LPO: variants seen among roughly 807,000 people sequenced by gnomAD.
LPO encodes salivary peroxidase.
LPO carries 70 observed loss-of-function variants against 68.4 expected under a neutral mutation model. The ratio of observed to expected loss-of-function variants is 1.02; its 90% CI spans 0.84 to 1.25. LPO has a LOEUF of 1.25. Among genes scored for constraint, LPO ranks in the 50% most tolerant of loss-of-function variants. The pLI is 0.00. For missense variants in LPO, 873 were observed against 908.4 expected (o/e 0.96, Z 0.50); for synonymous variants, 360 against 357.6 (o/e 1.01, Z -0.08).
chr17:58,244,118 C>CAG (rs1320489159), intron 3 of LPO, 37 bp downstream of exon 3: 1 of 1,374,364 alleles, frequency 7.3e-7, no homozygotes, highest in Non-Finnish European at 1.0e-6. Flanking sequence ...CACACACACA[C>CAG]ACACACACAC....
At position 58,254,738 on chromosome 17, in the gene LPO, C is replaced by G. The variant is rs1598027332; in HGVS notation, c.1106-73C>G. The G allele has an allele frequency of 7.3e-6, 11 of 1,516,532 alleles. No homozygotes were observed. In the East Asian group the frequency reaches 2.5e-4, roughly 34 times the overall value. 93.9% of individuals were successfully genotyped at this position (1,516,532 alleles called of 1,614,324 possible). A position where few individuals can be genotyped will look rare whatever the true frequency, so the allele number is the denominator to read the frequency against. ...GGGGCGCGGTCCTGTGGGGCACCAT[C>G]ATTTCTTTGTGCAGGTTACTGGGTC... On this transcript the variant is annotated intron_variant, in intron 8 of 12. Coordinates refer to ENST00000262290, the MANE Select transcript of LPO (RefSeq NM_006151.3).
intron 9 of LPO, among the ~76,000 whole-genome samples, chr17:58,261,983 G>A (rs1286052724): frequency 1.3e-5 from 2 of 152,116 alleles, no homozygotes; most frequent in Non-Finnish European, 2.9e-5. Flanking sequence ...ATTGTCTGAA[G>A]CATTTCTTCT....
At chr17:58,255,446 T>C (rs1970053297) in intron 9 of LPO, among the ~76,000 whole-genome samples, 1 of 152,238 alleles carries the variant, frequency 6.6e-6, no homozygotes, top group African/African-American at 2.4e-5. Flanking sequence ...TGCACATATT[T>C]TTTAAACATT....
In LPO at chr17:58,254,860, C is replaced by G. The variant is rs1312443014; in HGVS notation, c.1155C>G (p.Leu385=). 6.2e-7 allele frequency: 1 copy of G among 1,614,086 alleles called. No homozygotes were observed. Among genetic ancestry groups the G allele is most frequent in the African/African-American group, 1.3e-5 (1 of 74,918 alleles). ...TTCTGCTGGCCACATCCCACACCCTCTTTCTCCGCGAGCATAACCGGCTGG... is the reference window on the plus strand; with the variant it reads ...TTCTGCTGGCCACATCCCACACCCTGTTTCTCCGCGAGCATAACCGGCTGG... ...EHILLATSHT[L]FLREHNRLAR... is the part of the protein sequence containing the mutation. The change falls in exon 9 of 13, where the codon CTC becomes CTG. Residue 385 remains leucine (L), a synonymous_variant. Coordinates refer to ENST00000262290, the MANE Select transcript of LPO (RefSeq NM_006151.3).
At chr17:58,250,643 T>G (rs1230840510) in intron 7 of LPO, 22 bp downstream of exon 7, 1 of 1,607,736 alleles carries the variant, frequency 6.2e-7, no homozygotes, top group Non-Finnish European at 8.5e-7. Context: ...CAGCTAGGCA[T>G]CTCTGACTAG....
chr17:58,261,428 C>A (rs183328230), intron 9 of LPO, among the ~76,000 whole-genome samples: 9 of 152,128 alleles, frequency 5.9e-5, no homozygotes, highest in African/African-American at 1.9e-4. Flanking sequence ...AATATAGTCA[C>A]CCCTGCTTTT....
intron 10 of LPO, 51 bp from the exon 11 acceptor site, chr17:58,266,102 G>T: frequency 6.4e-7 from 1 of 1,567,328 alleles, no homozygotes; most frequent in South Asian, 1.2e-5. Context: ...CATGAATGAT[G>T]TTCCCACTCT....
chr17:58,241,040 C>A (rs1226147783), intron 1 of LPO, among the ~76,000 whole-genome samples: 2 of 151,586 alleles, frequency 1.3e-5, no homozygotes, highest in African/African-American at 4.8e-5. Flanking sequence ...CCTAACATTA[C>A]AGTACTGTAG....
chr17:58,254,730 G>A (rs1970036971), intron 8 of LPO, 81 bp from the exon 9 acceptor site: 2 of 1,468,194 alleles, frequency 1.4e-6, no homozygotes, highest in East Asian at 2.3e-5. Flanking sequence ...GGTCCTGTGG[G>A]GCACCATCAT....
chr17:58,263,237 G>A (rs547606841), intron 9 of LPO, among the ~76,000 whole-genome samples: 226 of 152,272 alleles, frequency 1.5e-3, no homozygotes, highest in African/African-American at 5.0e-3. Flanking sequence ...AGGAGAATCT[G>A]TAATTGATTA....
chr17:58,266,669 C>T (rs1314237190), intron 11 of LPO, among the ~76,000 whole-genome samples: 1 of 151,952 alleles, frequency 6.6e-6, no homozygotes, highest in Non-Finnish European at 1.5e-5. Context: ...GTTGCCCAGG[C>T]TGGTCTCGAA....
At chr17:58,266,469 T>C in intron 11 of LPO, 143 bp downstream of exon 11, 1 of 751,414 alleles carries the variant, frequency 1.3e-6, no homozygotes, top group East Asian at 3.3e-5. Flanking sequence ...TTGTTTGAGG[T>C]TTTTTTTTTG....
chr17:58,245,806 C>T (rs935625381), intron 3 of LPO, among the ~76,000 whole-genome samples: 1 of 152,204 alleles, frequency 6.6e-6, no homozygotes, highest in Admixed American at 6.5e-5. Flanking sequence ...TCTCGCTCCT[C>T]AAATTCAATC....
chr17:58,252,548 A>G, intron 8 of LPO, 42 bp downstream of exon 8: 1 of 1,571,964 alleles, frequency 6.4e-7, no homozygotes, highest in Non-Finnish European at 8.7e-7. Context: ...GGACAAGGGG[A>G]TTATCCAGGG....
intron 1 of LPO, among the ~76,000 whole-genome samples, chr17:58,242,708 G>A (rs181660973): frequency 6.6e-6 from 1 of 152,298 alleles, no homozygotes; most frequent in Admixed American, 6.5e-5. Context: ...CAGAGCTATT[G>A]GAGCAAATGC....
rs1567824640 is a variant in LPO, at chr17:58,267,468, GACA to G, written c.1817_1819del (p.Asn606del). ...GTTACTGGGTCTCTACGGGACCCCT[GACA>G]ACATCGACATCTGGATAGGGGCCAT... On this transcript the variant is annotated inframe_deletion, in exon 12 of 13. Coordinates refer to ENST00000262290, the MANE Select transcript of LPO (RefSeq NM_006151.3). 1 of 1,614,212 alleles carries G rather than the reference GACA, an allele frequency of 6.2e-7. No homozygotes were observed. Among genetic ancestry groups the G allele is most frequent in the Non-Finnish European group, 8.5e-7 (1 of 1,180,022 alleles).
chr17:58,243,784 T>C, intron 2 of LPO: 3 of 591,428 alleles, frequency 5.1e-6, no homozygotes, highest in Middle Eastern at 2.9e-4. Context: ...AGAGCAATTT[T>C]GACATCTTGT....
At position 58,258,481 on chromosome 17, in the gene LPO, A is replaced by G. The variant is rs8178364; in HGVS notation, c.1266+3510A>G. Among the ~76,000 whole-genome samples, 16 of 152,210 alleles carry G rather than the reference A, an allele frequency of 1.1e-4. No individual in the cohort carries two copies. The East Asian group carries it at 2.9e-3, about 28-fold the overall frequency. On this transcript the variant is annotated intron_variant, in intron 9 of 12. Coordinates refer to ENST00000262290, the MANE Select transcript of LPO (RefSeq NM_006151.3). ...GTGTGGATTTGTTTCTGGGTTCTCT[A>G]TTCTGTTACATTGGTCTTTGTGTCT...
intron 9 of LPO, among the ~76,000 whole-genome samples, chr17:58,258,378 G>A (rs1970110638): frequency 6.6e-6 from 1 of 152,176 alleles, no homozygotes; most frequent in African/African-American, 2.4e-5. Context: ...AGTTTTCCCA[G>A]CACCATTTAT....
Sources: gnomAD v4.1 joint callset for allele counts (sites outside exome capture counted in the v4.1 genomes callset) on GRCh38, gnomAD v4.1.1 for gene constraint, MANE v1.5 for transcripts, NCBI Gene and HGNC (gene_info 2026-07-23, HGNC 2026-07-21) for gene names.